PLEK: variants seen among roughly 807,000 people sequenced by gnomAD.
PLEK encodes pleckstrin, also known as platelet 47 kDa protein.
In PLEK, 25 loss-of-function variants were observed where a neutral mutation model predicts 43.9. The ratio of observed to expected loss-of-function variants is 0.57; its 90% confidence interval spans 0.41 to 0.79. The LOEUF (loss-of-function observed/expected upper bound fraction) is 0.79. Ranked by LOEUF, PLEK falls within the 30% of genes least tolerant of loss-of-function variation. PLEK has a pLI of 0.00. For missense variants in PLEK, 396 were observed against 413.3 expected, an observed-to-expected ratio of 0.96 and a Z score of 0.36; for synonymous variants, 152 against 144.4, an observed-to-expected ratio of 1.05 and a Z score of -0.38.
intron 6 of PLEK, among the ~76,000 whole-genome samples, chr2:68,390,311 GCC>G (rs1325311504): frequency 6.6e-6 from 1 of 152,220 alleles, no homozygotes; most frequent in Non-Finnish European, 1.5e-5. Flanking sequence ...TTTAATCAGA[GCC>G]TCTGGATTTT....
In PLEK at chr2:68,396,031, C is replaced by T. The variant is rs985921514; in HGVS notation, c.*215C>T. 4.1e-5 allele frequency: 21 copies of T among 517,086 alleles called. No homozygotes were observed. The highest frequency in any genetic ancestry group is 3.0e-4 in the African/African-American group (16 of 52,626). 32.0% of individuals were successfully genotyped at this position (517,086 alleles called of 1,614,324 possible). A position where few individuals can be genotyped will look rare whatever the true frequency, so the allele number is the denominator to read the frequency against. On this transcript the variant is annotated 3_prime_UTR_variant, in exon 9 of 9. Coordinates refer to ENST00000234313, the MANE Select transcript of PLEK (RefSeq NM_002664.3). ...CCCCTCTGCCCCTATCCATGACCCC[C>T]AAGCAGATATAACAAGCTGTGCAGC...
At chr2:68,369,309 G>A (rs1673345004) in intron 1 of PLEK, among the ~76,000 whole-genome samples, 1 of 152,140 alleles carries the variant, frequency 6.6e-6, no homozygotes, top group African/African-American at 2.4e-5. Context: ...GAGCTGGTTT[G>A]CAACCCAGCA....
At chr2:68,369,321 T>C (rs1434166387) in intron 1 of PLEK, among the ~76,000 whole-genome samples, 1 of 152,158 alleles carries the variant, frequency 6.6e-6, no homozygotes, top group Non-Finnish European at 1.5e-5. Flanking sequence ...AACCCAGCAG[T>C]GTGGCCCCAG....
At chr2:68,374,943 G>A (rs1206650517) in intron 1 of PLEK, among the ~76,000 whole-genome samples, 1 of 152,018 alleles carries the variant, frequency 6.6e-6, no homozygotes, top group African/African-American at 2.4e-5. Flanking sequence ...CCTGTTGATG[G>A]GCATTTGGGT....
chr2:68,376,763 T>C (rs1673511063), intron 1 of PLEK, among the ~76,000 whole-genome samples: 1 of 152,198 alleles, frequency 6.6e-6, no homozygotes, highest in Non-Finnish European at 1.5e-5. Flanking sequence ...ATCCTTTGTG[T>C]TACAAACAAT....
rs753982167 is a variant in PLEK at position 68,380,399 on chromosome 2, G to C, written c.114G>C (p.Lys38Asn). 5.6e-6 allele frequency: 9 copies of C among 1,613,764 alleles called. No homozygotes were observed. In the Admixed American group the frequency reaches 1.5e-4, roughly 27 times the overall value. The change falls in exon 2 of 9, where the codon AAG becomes AAC. Residue 38 changes from lysine (K) to asparagine (N), a missense_variant. Lys to Asn is a moderately conservative substitution (Grantham distance 94). Coordinates refer to ENST00000234313, the MANE Select transcript of PLEK (RefSeq NM_002664.3). Reference protein sequence around the residue: ...LLEDGIEFYKKKSDNSPKGMI... With the variant: ...LLEDGIEFYKNKSDNSPKGMI... ...AAGATGGAATTGAATTCTATAAGAA[G>C]AAAAGTGACAACAGCCCCAAAGGAA...
rs563753725 is a variant in PLEK, at chr2:68,367,912, A to C, written c.42+2519A>C. On this transcript the variant is annotated intron_variant, in intron 1 of 8. Coordinates refer to ENST00000234313, the MANE Select transcript of PLEK (RefSeq NM_002664.3). ...TGCAGTTCAAGATACCTGGGTAGTA[A>C]CAGAGAACATCTTTGTCCTGTGTCT... 6.6e-5 allele frequency among the ~76,000 whole-genome samples: 10 copies of C among 152,348 alleles called. No individual in the cohort carries two copies. The South Asian group carries it at 2.1e-3, about 32-fold the overall frequency.
At chr2:68,367,640 G>A (rs1367179936) in intron 1 of PLEK, among the ~76,000 whole-genome samples, 1 of 151,038 alleles carries the variant, frequency 6.6e-6, no homozygotes, top group African/African-American at 2.5e-5. Flanking sequence ...CATATAATTG[G>A]TGTACATAAG....
intron 3 of PLEK, among the ~76,000 whole-genome samples, chr2:68,382,244 A>G (rs1246259448): frequency 6.6e-6 from 1 of 152,196 alleles, no homozygotes; most frequent in African/African-American, 2.4e-5. Context: ...GCAAATTTCC[A>G]TCCCAGGAAC....
At chr2:68,390,983 T>C (rs1409191194) in intron 6 of PLEK, among the ~76,000 whole-genome samples, 1 of 152,258 alleles carries the variant, frequency 6.6e-6, no homozygotes, top group African/African-American at 2.4e-5. Context: ...AGAGGAACAA[T>C]GTGTTATATA....
At chr2:68,373,563 A>G (rs1479357148) in intron 1 of PLEK, among the ~76,000 whole-genome samples, 1 of 147,494 alleles carries the variant, frequency 6.8e-6, no homozygotes, top group Non-Finnish European at 1.5e-5. Flanking sequence ...TGTACCCTAA[A>G]ACTTAAAGTA....
At position 68,386,410 on chromosome 2, in the gene PLEK, C is replaced by T. The variant is rs955153126; in HGVS notation, c.473-92C>T. 8.9e-5 allele frequency: 82 copies of T among 923,492 alleles called. No homozygotes were observed. The Middle Eastern group carries it at 1.4e-3, about 15-fold the overall frequency. The allele number at this position is 923,492 out of a possible 1,614,324, so 57.2% of individuals were successfully genotyped here. On this transcript the variant is annotated intron_variant, in intron 4 of 8. Coordinates refer to ENST00000234313, the MANE Select transcript of PLEK (RefSeq NM_002664.3). ...ACAGGGGAGACGAGACAAGTCAGAC[C>T]TGTGGGTGAGCTGGAGTCAGTTCAG...
intron 1 of PLEK, among the ~76,000 whole-genome samples, chr2:68,374,170 C>T (rs1673460689): frequency 6.6e-6 from 1 of 152,122 alleles, no homozygotes; most frequent in South Asian, 2.1e-4. Context: ...CTACCTCACT[C>T]CAAAATACTT....
intron 3 of PLEK, among the ~76,000 whole-genome samples, chr2:68,381,784 C>T (rs561801090): frequency 6.6e-6 from 1 of 152,264 alleles, no homozygotes; most frequent in South Asian, 2.1e-4. Context: ...GACTCAGCAG[C>T]CTCCTTCACC....
intron 1 of PLEK, 148 bp from the exon 2 acceptor site, chr2:68,380,180 T>G: frequency 3.2e-6 from 2 of 620,606 alleles, no homozygotes; most frequent in Non-Finnish European, 5.4e-6. Flanking sequence ...GCCACTGATT[T>G]GAGAGGATTT....
chr2:68,378,804 C>A lies in PLEK; in HGVS notation c.43-1524C>A, dbSNP rs572004177. Among the ~76,000 whole-genome samples, 30 of 152,176 alleles carry A rather than the reference C, an allele frequency of 2.0e-4. No individual in the cohort carries two copies. In the South Asian group the frequency reaches 6.2e-3, roughly 32 times the overall value. ...GCTGGGAACTGAGCCTTAGAGAGGG[C>A]AAGTGGCTTACACAAGTGTGGGCAG... On this transcript the variant is annotated intron_variant, in intron 1 of 8. Transcript: ENST00000234313.
At chr2:68,374,645 T>C (rs1673469371) in intron 1 of PLEK, among the ~76,000 whole-genome samples, 1 of 152,318 alleles carries the variant, frequency 6.6e-6, no homozygotes, top group Non-Finnish European at 1.5e-5. Flanking sequence ...TAGTATGCTA[T>C]AAAGTTCCAT....
intron 1 of PLEK, among the ~76,000 whole-genome samples, chr2:68,373,081 T>G (rs1346017892): frequency 1.3e-5 from 2 of 152,174 alleles, no homozygotes; most frequent in Admixed American, 1.3e-4. Context: ...ACTTCCAGGT[T>G]TGCTCTTGGG....
chr2:68,397,375 C>G lies in PLEK; in HGVS notation c.*1559C>G, dbSNP rs1025402460. 3 of 152,128 alleles carry G rather than the reference C, an allele frequency of 2.0e-5. No homozygotes were observed. The highest frequency in any genetic ancestry group is 6.5e-5 in the Admixed American group (1 of 15,280). 9.4% of individuals were successfully genotyped at this position (152,128 alleles called of 1,614,324 possible). A position where few individuals can be genotyped will look rare whatever the true frequency, so the allele number is the denominator to read the frequency against. On this transcript the variant is annotated 3_prime_UTR_variant, in exon 9 of 9. Transcript: ENST00000234313. The stretch of plus-strand genomic sequence containing the variant: ...CTTTATAGAATATGCACAAGTTTTT[C>G]TACACTCAGTGTTAAAGTATTTATT...
Sources: allele counts gnomAD v4.1 joint callset (sites outside exome capture counted in the v4.1 genomes callset), GRCh38; gene constraint gnomAD v4.1.1; transcripts MANE v1.5; gene names NCBI Gene and HGNC (gene_info 2026-07-23, HGNC 2026-07-21).